The following GHR variants were observed in gnomAD, a reference collection of about 807,000 sequenced individuals.
The protein encoded by GHR is GH receptor.
A neutral mutation model predicts 67.1 loss-of-function variants in GHR; 35 were observed. The observed-to-expected ratio is 0.52, with a 90% CI of 0.40 to 0.69. The LOEUF (loss-of-function observed/expected upper bound fraction) is 0.69. Ranked by LOEUF, GHR falls within the 30% of genes least tolerant of loss-of-function variation. The probability of loss-of-function intolerance (pLI) is 0.00; values close to 1 mark genes in which losing one functional copy is unlikely to be tolerated. For synonymous variants in GHR, 272 were observed against 269.1 expected (o/e 1.01, Z -0.10); for missense variants, 792 against 764.6 (o/e 1.04, Z -0.42).
At chr5:42,470,212 TATA>T (rs1744949336) in intron 1 of GHR, among the ~76,000 whole-genome samples, 1 of 147,772 alleles carries the variant, frequency 6.8e-6, no homozygotes, top group South Asian at 2.1e-4. Context: ...TATAACATAA[TATA>T]TTATATATTT....
intron 1 of GHR, among the ~76,000 whole-genome samples, chr5:42,528,852 A>G (rs1747823542): frequency 6.6e-6 from 1 of 152,182 alleles, no homozygotes; most frequent in East Asian, 1.9e-4. Context: ...ACATTGAGAC[A>G]AGACTCTCCA....
intron 1 of GHR, among the ~76,000 whole-genome samples, chr5:42,503,151 C>T (rs563616189): frequency 1.3e-5 from 2 of 152,270 alleles, no homozygotes; most frequent in African/African-American, 2.4e-5. Flanking sequence ...TGTTCCAAAT[C>T]GCTTCCTTAT....
chr5:42,478,795 G>A (rs1745467091), intron 1 of GHR, among the ~76,000 whole-genome samples: 1 of 152,146 alleles, frequency 6.6e-6, no homozygotes, highest in Admixed American at 6.6e-5. Flanking sequence ...CTGAGATGAT[G>A]GGGTTTTCTA....
intron 3 of GHR, among the ~76,000 whole-genome samples, chr5:42,685,117 C>T (rs565834648): frequency 6.6e-6 from 1 of 152,170 alleles, no homozygotes; most frequent in South Asian, 2.1e-4. Flanking sequence ...CAACAGGCCC[C>T]AGTGTGTAAA....
At chr5:42,687,587 G>C (rs778893854) in intron 3 of GHR, among the ~76,000 whole-genome samples, 2 of 152,142 alleles carry the variant, frequency 1.3e-5, no homozygotes, top group Non-Finnish European at 2.9e-5. Flanking sequence ...TTGTTTAGAA[G>C]GTTTATAACA....
chr5:42,714,421 A>G (rs1042131409), intron 8 of GHR, among the ~76,000 whole-genome samples: 2 of 152,208 alleles, frequency 1.3e-5, no homozygotes, highest in Non-Finnish European at 2.9e-5. Context: ...AGAGGCATCT[A>G]TAAATCAAAA....
In GHR at chr5:42,688,959, C is replaced by T. The variant is rs75028043; in HGVS notation, c.206C>T (p.Thr69Ile). Residue 69 changes from threonine to isoleucine, a missense_variant, in exon 4 of 10, where the codon ACA (threonine) becomes ATA (isoleucine). Transcript: ENST00000230882. Reference protein sequence around the residue: ...PERETFSCHWTDEVHHGTKNL... With the variant: ...PERETFSCHWIDEVHHGTKNL... ...CGAGAGACTTTTTCATGCCACTGGA[C>T]AGATGAGGTTCATCATGGTACAAAG... 2.7e-4 allele frequency: 434 copies of T among 1,612,874 alleles called. 5 individuals are homozygous for T. In the East Asian group the frequency reaches 9.6e-3, roughly 36 times the overall value.
intron 1 of GHR, among the ~76,000 whole-genome samples, chr5:42,433,816 G>A (rs1743205792): frequency 6.7e-6 from 1 of 149,716 alleles, no homozygotes; most frequent in Non-Finnish European, 1.5e-5. Flanking sequence ...GGACCAGGAG[G>A]CGTATCTTGA....
At chr5:42,568,484 T>A (rs1156363983) in intron 2 of GHR, among the ~76,000 whole-genome samples, 4 of 152,192 alleles carry the variant, frequency 2.6e-5, no homozygotes, top group Admixed American at 2.6e-4. Flanking sequence ...GGTTGACCTA[T>A]CAACTGATTG....
chr5:42,579,191 GATA>G (rs1315381423), intron 2 of GHR, among the ~76,000 whole-genome samples: 1 of 151,260 alleles, frequency 6.6e-6, no homozygotes, highest in Non-Finnish European at 1.5e-5. Flanking sequence ...TAGATAGATA[GATA>G]GATAGACAGA....
At chr5:42,562,005 G>C (rs1390567777) in intron 1 of GHR, among the ~76,000 whole-genome samples, 1 of 152,048 alleles carries the variant, frequency 6.6e-6, no homozygotes, top group Non-Finnish European at 1.5e-5. Flanking sequence ...GGCAAAAAGG[G>C]CTTGGCAGAG....
chr5:42,682,200 A>G (rs536468550), intron 3 of GHR, among the ~76,000 whole-genome samples: 31 of 152,314 alleles, frequency 2.0e-4, no homozygotes, highest in African/African-American at 6.7e-4. Context: ...GTGTGTTCCA[A>G]CTTAACTCAT....
chr5:42,707,789 C>CCACA (rs1212663074), intron 6 of GHR, among the ~76,000 whole-genome samples: 1 of 151,540 alleles, frequency 6.6e-6, no homozygotes, highest in South Asian at 2.1e-4. Context: ...TCCACATACT[C>CCACA]CACACACACA....
chr5:42,565,764 C>A, intron 1 of GHR, 100 bp from the exon 2 acceptor site: 1 of 1,602,698 alleles, frequency 6.2e-7, no homozygotes, highest in East Asian at 2.2e-5. Flanking sequence ...GGAACTGACT[C>A]GTCAGCTCAT....
chr5:42,582,179 C>T (rs183547969), intron 2 of GHR, among the ~76,000 whole-genome samples: 116 of 152,348 alleles, frequency 7.6e-4, no homozygotes, highest in African/African-American at 2.8e-3. Context: ...CTGTGGATGA[C>T]ATGTAGATGG....
intron 1 of GHR, among the ~76,000 whole-genome samples, chr5:42,459,989 A>G (rs1423552745): frequency 1.3e-5 from 2 of 152,172 alleles, no homozygotes; most frequent in African/African-American, 4.8e-5. Context: ...CTAACCTCCA[A>G]TGTGGCTGAA....
intron 2 of GHR, among the ~76,000 whole-genome samples, chr5:42,569,041 G>T (rs936063432): frequency 1.3e-5 from 2 of 152,194 alleles, no homozygotes; most frequent in South Asian, 2.1e-4. Flanking sequence ...TGACGTGAGG[G>T]ATACCTCAGC....
At chr5:42,556,043 G>GAT (rs1226025516) in intron 1 of GHR, among the ~76,000 whole-genome samples, 16 of 152,048 alleles carry the variant, frequency 1.1e-4, no homozygotes, top group Non-Finnish European at 1.0e-4. Flanking sequence ...TTTCCTGGGA[G>GAT]ATCACATTGC....
intron 1 of GHR, among the ~76,000 whole-genome samples, chr5:42,553,882 G>A (rs977206261): frequency 6.6e-5 from 10 of 152,012 alleles, no homozygotes; most frequent in Non-Finnish European, 1.2e-4. Flanking sequence ...CCATATTTCA[G>A]TATTAAAATT....
Sources: allele counts gnomAD v4.1 joint callset (sites outside exome capture counted in the v4.1 genomes callset), GRCh38; gene constraint gnomAD v4.1.1; transcripts MANE v1.5; gene names NCBI Gene and HGNC (gene_info 2026-07-23, HGNC 2026-07-21).